Variants in TDRD10 observed in about 807,000 individuals in gnomAD.
TDRD10 encodes the protein tudor domain containing 10.
In TDRD10, 40 loss-of-function variants were observed where a neutral mutation model predicts 48.0. The observed-to-expected ratio is 0.83, with a 90% CI of 0.65 to 1.09. The LOEUF is 1.09. Among genes scored for constraint, TDRD10 ranks in the 50% least tolerant of loss-of-function variants. TDRD10 has a pLI of 0.00. For synonymous variants in TDRD10, 162 were observed against 170.4 expected, an observed-to-expected ratio of 0.95 and a Z score of 0.38; for missense variants, 378 against 434.7, an observed-to-expected ratio of 0.87 and a Z score of 1.16.
At chr1:154,544,274 G>T (rs1695424664) in intron 9 of TDRD10, 98 bp from the exon 10 acceptor site, 1 of 1,542,006 alleles carries the variant, frequency 6.5e-7, no homozygotes. Flanking sequence ...TGATGGCCTT[G>T]GGACGGATTA....
intron 4 of TDRD10, among the ~76,000 whole-genome samples, chr1:154,512,279 A>C (rs994431899): frequency 2.6e-5 from 4 of 152,052 alleles, no homozygotes; most frequent in African/African-American, 9.7e-5. Flanking sequence ...TTCACTAAGC[A>C]TGTTTTCAGT....
chr1:154,518,523 G>A (rs1230501218), intron 4 of TDRD10, among the ~76,000 whole-genome samples: 2 of 152,112 alleles, frequency 1.3e-5, no homozygotes, highest in Admixed American at 1.3e-4. Flanking sequence ...CACCTCCCGG[G>A]TTCACGCCAT....
chr1:154,524,929 C>A (rs557811757), intron 6 of TDRD10, among the ~76,000 whole-genome samples: 2 of 152,220 alleles, frequency 1.3e-5, no homozygotes, highest in African/African-American at 4.8e-5. Context: ...CCTTGGACTT[C>A]TGTGTGGCTC....
rs1209330540 is a variant in TDRD10 at position 154,520,414 on chromosome 1, T to C, written c.212+40T>C. ...TTCTTTGTTTTCTTTGGGAAGCAGC[T>C]CCTTTCCTCCCTGTCCATTTTGCTG... On this transcript the variant is annotated intron_variant, in intron 5 of 12. Transcript: ENST00000368482. 13 of 1,534,078 alleles carry C rather than the reference T, an allele frequency of 8.5e-6. No individual in the cohort carries two copies. The East Asian group carries it at 2.9e-4, about 34-fold the overall frequency.
chr1:154,547,618 T>C (rs1388653255), intron 12 of TDRD10, 60 bp from the exon 13 acceptor site: 16 of 1,614,082 alleles, frequency 9.9e-6, no homozygotes, highest in African/African-American at 4.0e-5. Flanking sequence ...ATCTGAGGGG[T>C]TGGGTGAACT....
chr1:154,542,141 G>A, intron 7 of TDRD10, 75 bp downstream of exon 7: 1 of 1,490,942 alleles, frequency 6.7e-7, no homozygotes, highest in Admixed American at 1.7e-5. Flanking sequence ...AGCCCCTTCT[G>A]CAGCCTCCCT....
intron 6 of TDRD10, among the ~76,000 whole-genome samples, chr1:154,528,879 C>G (rs1195296198): frequency 2.6e-5 from 4 of 152,098 alleles, no homozygotes; most frequent in Admixed American, 2.6e-4. Flanking sequence ...AAGTGCATCT[C>G]TTTGTATACC....
rs545557587 is a variant in TDRD10 at position 154,503,367 on chromosome 1, C to A, written c.-28+338C>A. ...CTTTGGGAGGCCGAGGCGGGCAGAT[C>A]ACCTGAGATCAAGAGTTCGAGACCA... On this transcript the variant is annotated intron_variant, in intron 1 of 12. Coordinates refer to ENST00000368482, the MANE Select transcript of TDRD10 (RefSeq NM_182499.4). Among the ~76,000 whole-genome samples the A allele has an allele frequency of 1.3e-3, 202 of 152,294 alleles. 1 individual carries two copies. Among genetic ancestry groups the A allele is most frequent in the African/African-American group, 4.6e-3 (192 of 41,562 alleles).
rs1693171927 is a variant in TDRD10, at chr1:154,506,687, T to G, written c.-27-190T>G. On this transcript the variant is annotated intron_variant, in intron 1 of 12. Coordinates refer to ENST00000368482, the MANE Select transcript of TDRD10 (RefSeq NM_182499.4). ...CACAGTGCCAGGCCTGTTTTGTCAGTTGATGGGCAACCTTAACTCCATCTG... is the reference window on the plus strand; with the variant it reads ...CACAGTGCCAGGCCTGTTTTGTCAGGTGATGGGCAACCTTAACTCCATCTG... Among the ~76,000 whole-genome samples the G allele has an allele frequency of 2.0e-5, 3 of 152,232 alleles. 1 individual carries two copies. In the South Asian group the frequency reaches 6.2e-4, roughly 31 times the overall value.
At chr1:154,514,749 G>A (rs1693659776) in intron 4 of TDRD10, among the ~76,000 whole-genome samples, 1 of 152,038 alleles carries the variant, frequency 6.6e-6, no homozygotes, top group African/African-American at 2.4e-5. Context: ...GTGCAGTGGT[G>A]CAGTTATGGC....
At chr1:154,506,513 T>C (rs1261806609) in intron 1 of TDRD10, among the ~76,000 whole-genome samples, 2 of 152,076 alleles carry the variant, frequency 1.3e-5, no homozygotes, top group African/African-American at 4.8e-5. Context: ...GTAGCTGGGA[T>C]TACAGGTGCC....
intron 4 of TDRD10, among the ~76,000 whole-genome samples, chr1:154,515,615 G>T (rs1693720714): frequency 6.6e-6 from 1 of 152,196 alleles, no homozygotes; most frequent in Non-Finnish European, 1.5e-5. Flanking sequence ...GCCCTCCCCG[G>T]CTCTTCTCCC....
intron 1 of TDRD10, among the ~76,000 whole-genome samples, chr1:154,504,804 A>G (rs917818433): frequency 2.0e-5 from 3 of 152,184 alleles, no homozygotes; most frequent in Non-Finnish European, 4.4e-5. Context: ...CCTGGCCAAC[A>G]TGGTGAAACC....
chr1:154,529,610 G>A (rs560116601), intron 6 of TDRD10, among the ~76,000 whole-genome samples: 28 of 149,416 alleles, frequency 1.9e-4, no homozygotes, highest in Middle Eastern at 3.5e-3. Flanking sequence ...CAATGGCATG[G>A]TCTCAGCTCA....
chr1:154,508,196 T>C (rs1693253866), intron 3 of TDRD10, among the ~76,000 whole-genome samples: 1 of 152,124 alleles, frequency 6.6e-6, no homozygotes, highest in Non-Finnish European at 1.5e-5. Flanking sequence ...TAGGGGTGTA[T>C]GTGCATGGGA....
At chr1:154,509,841 T>TA in intron 4 of TDRD10, 1 of 985,422 alleles carries the variant, frequency 1.0e-6, no homozygotes, top group South Asian at 4.7e-5. Flanking sequence ...AGAGGAGCCC[T>TA]ACATGTGGTT....
chr1:154,544,747 G>C, intron 10 of TDRD10, 48 bp from the exon 11 acceptor site: 1 of 1,600,050 alleles, frequency 6.2e-7, no homozygotes, highest in Non-Finnish European at 8.5e-7. Context: ...GCTGTGCATG[G>C]CACTAGGCGG....
intron 11 of TDRD10, among the ~76,000 whole-genome samples, chr1:154,546,750 A>G (rs1255198459): frequency 2.0e-5 from 3 of 152,260 alleles, no homozygotes; most frequent in African/African-American, 4.8e-5. Flanking sequence ...AGAGTCCCCA[A>G]CCCAGAGATA....
In TDRD10 at chr1:154,542,938, T is replaced by G. The variant is rs180896945; in HGVS notation, c.503+117T>G. On this transcript the variant is annotated intron_variant, in intron 8 of 12. Transcript: ENST00000368482. The stretch of plus-strand genomic sequence containing the variant: ...GGGGGATAGTTTTCGGGAACTCCTG[T>G]GTCAGACCCAGGCTGTAAGGCTGTG... 2.5e-4 allele frequency: 186 copies of G among 754,090 alleles called. No individual in the cohort carries two copies. The African/African-American group carries it at 2.9e-3, about 12-fold the overall frequency. The allele number at this position is 754,090 out of a possible 1,614,324, so 46.7% of individuals were successfully genotyped here.
Sources: allele counts gnomAD v4.1 joint callset (sites outside exome capture counted in the v4.1 genomes callset), GRCh38; gene constraint gnomAD v4.1.1; transcripts MANE v1.5; gene names NCBI Gene and HGNC (gene_info 2026-07-23, HGNC 2026-07-21).